The following RNF17 variants were observed in gnomAD, a reference collection of about 807,000 sequenced individuals.
The protein encoded by RNF17 is ring finger protein 17.
In RNF17, 31 loss-of-function variants were observed where a neutral mutation model predicts 200.5. The ratio of observed to expected loss-of-function variants is 0.15; its 90% CI spans 0.12 to 0.21. RNF17 has a LOEUF of 0.21. Among genes scored for constraint, RNF17 ranks in the 10% least tolerant of loss-of-function variants. RNF17 has a pLI of 1.00. For missense variants in RNF17, 1,628 were observed against 1,905.1 expected (o/e 0.85, Z 2.71); for synonymous variants, 606 against 637.8 (o/e 0.95, Z 0.75).
chr13:24,751,218 A>T, the RNF17 span: 1 of 151,804 alleles, frequency 6.6e-6, no homozygotes, highest in Non-Finnish European at 1.5e-5. Context: ...GCTGATGGTA[A>T]GTTTTCGCAC....
upstream of RNF17, among the ~76,000 whole-genome samples, chr13:24,761,676 C>G (rs1369057084): frequency 6.6e-6 from 1 of 152,092 alleles, no homozygotes; most frequent in Non-Finnish European, 1.5e-5. Context: ...TCATAGGAAG[C>G]CATTAAAGGG....
intron 15 of RNF17, among the ~76,000 whole-genome samples, chr13:24,821,961 AAG>A (rs1888110106): frequency 6.6e-6 from 1 of 152,188 alleles, no homozygotes; most frequent in South Asian, 2.1e-4. Context: ...ATGCAGAAGA[AAG>A]AGAAAGGAGA....
intron 2 of RNF17, among the ~76,000 whole-genome samples, chr13:24,771,327 T>C (rs1005682302): frequency 1.1e-4 from 7 of 64,402 alleles, no homozygotes; most frequent in East Asian, 7.9e-4. Flanking sequence ...GATAATCTTT[T>C]TTTTTTTTTT....
Position 24,764,169 on chromosome 13 carries a change from G to T in RNF17, c.-35G>T, listed in dbSNP as rs1202432065. ...GCTGCCGCGAGGGCCGCCGGGACTC[G>T]CACTCGGCGGTTGTTCCAGAAGAAA... On this transcript the variant is annotated 5_prime_UTR_variant, in exon 1 of 36. Transcript: ENST00000255324. 3 of 1,549,686 alleles carry T rather than the reference G, an allele frequency of 1.9e-6. No individual in the cohort carries two copies. Among genetic ancestry groups the T allele is most frequent in the African/African-American group, 2.7e-5 (2 of 73,976 alleles).
chr13:24,800,478 G>A lies in RNF17; in HGVS notation c.1702G>A (p.Asp568Asn). 6.2e-7 allele frequency: 1 copy of A among 1,613,578 alleles called. No homozygotes were observed. Among genetic ancestry groups the A allele is most frequent in the Non-Finnish European group, 8.5e-7 (1 of 1,179,710 alleles). The change falls in exon 13 of 36, where the codon GAC becomes AAC. Residue 568 changes from aspartate to asparagine, a missense_variant. By Grantham distance (23) the Asp-to-Asn change is conservative. Around this residue, in one of 5 missense-constraint regions of RNF17, gnomAD observed 289 missense variants for 384.9 expected, o/e 0.75. Transcript: ENST00000255324. ...SEPYTEGLLK[D>N]IQPLAQPCSL... ...ACCATATACTGAAGGGCTGCTAAAA[G>A]ACATCCAGCCATTAGCACAACCATG...
At chr13:24,803,191 T>C (rs754076169) in intron 14 of RNF17, among the ~76,000 whole-genome samples, 8 of 152,238 alleles carry the variant, frequency 5.3e-5, no homozygotes, top group Non-Finnish European at 1.2e-4. Flanking sequence ...GTTTAACTGT[T>C]CCTAAATTTT....
At chr13:24,770,142 A>G (rs1880451564) in intron 2 of RNF17, among the ~76,000 whole-genome samples, 1 of 152,160 alleles carries the variant, frequency 6.6e-6, no homozygotes, top group African/African-American at 2.4e-5. Flanking sequence ...TAATATATAA[A>G]AATTAGAAAT....
chr13:24,854,166 A>G, intron 25 of RNF17, 22 bp downstream of exon 25: 2 of 1,570,122 alleles, frequency 1.3e-6, no homozygotes, highest in Non-Finnish European at 8.7e-7. Context: ...TATGTTATGT[A>G]GGCTCTAGTT....
chr13:24,863,559 T>TA lies in RNF17; in HGVS notation c.3975+767dup, dbSNP rs1440118184. The stretch of plus-strand genomic sequence containing the variant: ...TGTTTGCAGGGCCTGAATGGGAAGA[T>TA]ATATGGTAAGGAAAGTATTTCTGTA... On this transcript the variant is annotated intron_variant, in intron 28 of 35. Coordinates refer to ENST00000255324, the MANE Select transcript of RNF17 (RefSeq NM_031277.3). Among the ~76,000 whole-genome samples, 3 of 152,100 alleles carry TA rather than the reference T, an allele frequency of 2.0e-5. No individual in the cohort carries two copies. The East Asian group carries it at 5.8e-4, about 29-fold the overall frequency.
At chr13:24,812,940 C>T (rs187348915) in intron 15 of RNF17, among the ~76,000 whole-genome samples, 2,436 of 152,074 alleles carry the variant, frequency 0.016, 65 homozygotes, top group African/African-American at 0.051. Context: ...CCTCGACCTC[C>T]CTAAGTGCTG....
upstream of RNF17, among the ~76,000 whole-genome samples, chr13:24,762,779 C>T (rs148456702): frequency 8.9e-4 from 136 of 152,256 alleles, no homozygotes; most frequent in Middle Eastern, 0.01. Flanking sequence ...TGAAATACAC[C>T]TGCCACCTTT....
chr13:24,862,471 G>A (rs1469621696), intron 27 of RNF17, among the ~76,000 whole-genome samples: 1 of 152,284 alleles, frequency 6.6e-6, no homozygotes, highest in South Asian at 2.1e-4. Context: ...GTGTGTGTGT[G>A]TGTGTTTTCT....
chr13:24,796,914 C>T (rs1593274911), intron 11 of RNF17, among the ~76,000 whole-genome samples: 1 of 152,034 alleles, frequency 6.6e-6, no homozygotes, highest in South Asian at 2.1e-4. Context: ...CAATCAATAC[C>T]TATATATAAC....
chr13:24,796,677 G>A (rs1884618308), intron 11 of RNF17, among the ~76,000 whole-genome samples: 1 of 152,118 alleles, frequency 6.6e-6, no homozygotes, highest in Non-Finnish European at 1.5e-5. Context: ...CTAGCATTGA[G>A]CACCTGAGAT....
At chr13:24,780,597 T>A (rs1882215021) in intron 5 of RNF17, among the ~76,000 whole-genome samples, 1 of 152,164 alleles carries the variant, frequency 6.6e-6, no homozygotes, top group Admixed American at 6.5e-5. Flanking sequence ...AATCTCACCT[T>A]CTGGGCAGGC....
chr13:24,875,905 G>A (rs1894808082), intron 33 of RNF17, among the ~76,000 whole-genome samples: 1 of 152,188 alleles, frequency 6.6e-6, no homozygotes, highest in South Asian at 2.1e-4. Context: ...GAAAACGCCT[G>A]GGAAAGCTTC....
chr13:24,817,744 A>G (rs1277125282), intron 15 of RNF17, among the ~76,000 whole-genome samples: 1 of 151,276 alleles, frequency 6.6e-6, no homozygotes, highest in Admixed American at 6.6e-5. Context: ...TTTTTTTCTT[A>G]AAATTGGTAG....
chr13:24,775,400 C>T (rs1001894713), intron 3 of RNF17, among the ~76,000 whole-genome samples: 4 of 152,136 alleles, frequency 2.6e-5, no homozygotes, highest in Admixed American at 6.5e-5. Flanking sequence ...CAGGCATGCA[C>T]CACCATGCAC....
chr13:24,760,002 C>A (rs551264526), upstream of RNF17, among the ~76,000 whole-genome samples: 1 of 151,790 alleles, frequency 6.6e-6, no homozygotes, highest in Non-Finnish European at 1.5e-5. Flanking sequence ...ATTAGCCAGG[C>A]GTGGGGAGCG....
Sources: allele counts gnomAD v4.1 joint callset (sites outside exome capture counted in the v4.1 genomes callset), GRCh38; gene constraint gnomAD v4.1.1; regional missense constraint gnomAD v4.1.1; transcripts MANE v1.5; gene names NCBI Gene and HGNC (gene_info 2026-07-23, HGNC 2026-07-21).